The following GTF2H5 variants were observed in gnomAD, a reference collection of about 807,000 sequenced individuals.
The protein encoded by GTF2H5 is general transcription factor IIH subunit 5.
In GTF2H5, 5 loss-of-function variants were observed where a neutral mutation model predicts 7.1. The ratio of observed to expected loss-of-function variants is 0.71; its 90% CI spans 0.37 to 1.49. The LOEUF is 1.49. Among genes scored for constraint, GTF2H5 ranks in the 40% most tolerant of loss-of-function variants. The probability of loss-of-function intolerance (pLI) is 0.03; values close to 1 mark genes in which losing one functional copy is unlikely to be tolerated. For synonymous variants in GTF2H5, 30 were observed against 31.7 expected, an observed-to-expected ratio of 0.95 and a Z score of 0.18; for missense variants, 80 against 83.0, an observed-to-expected ratio of 0.96 and a Z score of 0.14.
chr6:158,174,354 A>G (rs1343554144), intron 2 of GTF2H5, among the ~76,000 whole-genome samples: 1 of 152,174 alleles, frequency 6.6e-6, no homozygotes, highest in African/African-American at 2.4e-5. Context: ...ACTGATTTTG[A>G]GTCTGCAGAG....
intron 2 of GTF2H5, among the ~76,000 whole-genome samples, chr6:158,180,026 C>T (rs547559907): frequency 2.0e-4 from 30 of 152,198 alleles, no homozygotes; most frequent in South Asian, 4.2e-4. Flanking sequence ...TCCATCGATA[C>T]GTAGTTTATG....
At position 158,192,057 on chromosome 6, in the gene GTF2H5, A is replaced by T. The variant is rs773165282; in HGVS notation, c.116A>T (p.Asp39Val). 13 of 1,613,254 alleles carry T rather than the reference A, an allele frequency of 8.1e-6. No individual in the cohort carries two copies. The South Asian group carries it at 1.4e-4, about 18-fold the overall frequency. Residue 39 changes from aspartate (D) to valine (V), a missense_variant, in exon 3 of 3, where the codon GAT becomes GTT. Coordinates refer to ENST00000607778, the MANE Select transcript of GTF2H5 (RefSeq NM_207118.3). ...LGKKFIIQDI[D>V]DTHVFVIAEL... is the part of the protein sequence containing the mutation. ...AAGAAGTTCATCATTCAAGACATTG[A>T]TGACACTCACGTCTTTGTAATAGCA...
chr6:158,169,693 T>TATTATATATTA (rs1483686884), intron 1 of GTF2H5, among the ~76,000 whole-genome samples: 1 of 66,148 alleles, frequency 1.5e-5, no homozygotes, highest in Non-Finnish European at 2.5e-5. Flanking sequence ...ATAATATATA[T>TATTATATATTA]TATATAATAT....
At chr6:158,169,347 T>TATAATACA (rs1583623076) in intron 1 of GTF2H5, among the ~76,000 whole-genome samples, 2 of 110,548 alleles carry the variant, frequency 1.8e-5, no homozygotes, top group East Asian at 2.3e-4. Context: ...AATACGTATA[T>TATAATACA]TATATATAAT....
At position 158,197,227 on chromosome 6, in the gene GTF2H5, A is replaced by G. The variant is rs1390223575; in HGVS notation, c.*5070A>G. On this transcript the variant is annotated 3_prime_UTR_variant, in exon 3 of 3. Coordinates refer to ENST00000607778, the MANE Select transcript of GTF2H5 (RefSeq NM_207118.3). ...TGACCAGATACAACAAGAATTTAAC[A>G]TGGCAGCCAAACCAACCCACTAACA... The G allele has an allele frequency of 6.1e-6, 1 of 164,636 alleles. No individual in the cohort carries two copies. The highest frequency in any genetic ancestry group is 1.4e-5 in the Non-Finnish European group (1 of 69,660). 10.2% of individuals were successfully genotyped at this position (164,636 alleles called of 1,614,324 possible). A position where few individuals can be genotyped will look rare whatever the true frequency, so the allele number is the denominator to read the frequency against.
At chr6:158,171,764 G>A (rs1182658322) in intron 2 of GTF2H5, among the ~76,000 whole-genome samples, 3 of 152,168 alleles carry the variant, frequency 2.0e-5, no homozygotes, top group Non-Finnish European at 4.4e-5. Context: ...CGAAGGACAT[G>A]GTGAGGGGCT....
intron 2 of GTF2H5, among the ~76,000 whole-genome samples, chr6:158,184,141 G>A (rs2128430973): frequency 6.6e-6 from 1 of 152,256 alleles, no homozygotes; most frequent in East Asian, 1.9e-4. Flanking sequence ...TGAGAGCACA[G>A]AAGAATGGCT....
At chr6:158,173,444 G>C in intron 2 of GTF2H5, among the ~76,000 whole-genome samples, 1 of 152,180 alleles carries the variant, frequency 6.6e-6, no homozygotes, top group Non-Finnish European at 1.5e-5. Context: ...ATGGTAACTG[G>C]AAAAGTCCTT....
intron 2 of GTF2H5, among the ~76,000 whole-genome samples, chr6:158,171,643 GA>G (rs1429996704): frequency 6.6e-6 from 1 of 152,192 alleles, no homozygotes; most frequent in Non-Finnish European, 1.5e-5. Flanking sequence ...GGAGATGCCA[GA>G]TTGAAGTACT....
chr6:158,168,975 T>TG (rs1274105139), intron 1 of GTF2H5, among the ~76,000 whole-genome samples: 1 of 152,026 alleles, frequency 6.6e-6, no homozygotes, highest in African/African-American at 2.4e-5. Flanking sequence ...GGCTCACACC[T>TG]GTTGTCCCAG....
chr6:158,177,758 C>T (rs998336950), intron 2 of GTF2H5, among the ~76,000 whole-genome samples: 9 of 152,284 alleles, frequency 5.9e-5, no homozygotes, highest in Middle Eastern at 3.4e-3. Flanking sequence ...GTGTGATGAT[C>T]GCCTCCCTGT....
intron 2 of GTF2H5, 102 bp from the exon 3 acceptor site, chr6:158,191,875 A>G (rs1285978037): frequency 6.4e-6 from 6 of 932,820 alleles, no homozygotes; most frequent in Middle Eastern, 2.4e-4. Context: ...CAGAACTTTA[A>G]AAATCATTCT....
In GTF2H5 at chr6:158,185,246, A is replaced by G. The variant is rs866486940; in HGVS notation, c.36-6731A>G. Among the ~76,000 whole-genome samples the G allele has an allele frequency of 7.1e-4, 108 of 152,056 alleles. No homozygotes were observed. In the Middle Eastern group the frequency reaches 0.01, roughly 14 times the overall value. On this transcript the variant is annotated intron_variant, in intron 2 of 2. Transcript: ENST00000607778. The stretch of plus-strand genomic sequence containing the variant: ...AAAATTCAATCTCAAATTGTCTTTC[A>G]AAAGTTTGAGGCATGCCAGACACGG...
At chr6:158,182,403 C>T (rs1286348028) in intron 2 of GTF2H5, among the ~76,000 whole-genome samples, 4 of 152,078 alleles carry the variant, frequency 2.6e-5, no homozygotes, top group Non-Finnish European at 1.5e-5. Flanking sequence ...CTGTATTTCC[C>T]GAATTTCAAT....
At chr6:158,174,793 G>A (rs1423202877) in intron 2 of GTF2H5, among the ~76,000 whole-genome samples, 2 of 152,192 alleles carry the variant, frequency 1.3e-5, no homozygotes, top group Non-Finnish European at 2.9e-5. Flanking sequence ...CAATAGCAAA[G>A]AATCTGGAGA....
chr6:158,174,177 A>C (rs1047945727), intron 2 of GTF2H5, among the ~76,000 whole-genome samples: 1 of 152,016 alleles, frequency 6.6e-6, no homozygotes, highest in Non-Finnish European at 1.5e-5. Flanking sequence ...CTGAATTCCT[A>C]TCTCACAGCT....
chr6:158,169,968 C>T (rs1785830142), intron 1 of GTF2H5, among the ~76,000 whole-genome samples: 1 of 150,738 alleles, frequency 6.6e-6, no homozygotes, highest in Non-Finnish European at 1.5e-5. Context: ...TTGCAGGGAG[C>T]AGAGATCGCG....
rs2128432999 is a variant in GTF2H5 at position 158,196,631 on chromosome 6, CAA to C, written c.*4475_*4476del. On this transcript the variant is annotated 3_prime_UTR_variant, in exon 3 of 3. Coordinates refer to ENST00000607778, the MANE Select transcript of GTF2H5 (RefSeq NM_207118.3). Reference sequence around the variant, plus strand: ...AGTTTAAATAGAGCCCCTGTCAGAACAATATGAATTCTGCTAAAACTGAAGCA... The same window carrying C: ...AGTTTAAATAGAGCCCCTGTCAGAACTATGAATTCTGCTAAAACTGAAGCA... 1.3e-5 allele frequency: 2 copies of C among 152,190 alleles called. No individual in the cohort carries two copies. The highest frequency in any genetic ancestry group is 2.9e-5 in the Non-Finnish European group (2 of 68,002). 9.4% of individuals were successfully genotyped at this position (152,190 alleles called of 1,614,324 possible).
At chr6:158,175,010 A>ATGTGTGTGTGTGTG (rs200557393) in intron 2 of GTF2H5, among the ~76,000 whole-genome samples, 18 of 138,240 alleles carry the variant, frequency 1.3e-4, no homozygotes, top group African/African-American at 3.2e-4. Flanking sequence ...TGTGCCTGAG[A>ATGTGTGTGTGTGTG]TGTGTGTGTG....
Sources: allele counts gnomAD v4.1 joint callset (sites outside exome capture counted in the v4.1 genomes callset), GRCh38; gene constraint gnomAD v4.1.1; transcripts MANE v1.5; gene names NCBI Gene and HGNC (gene_info 2026-07-23, HGNC 2026-07-21).